The following SLCO1C1 variants were observed in gnomAD, a reference collection of about 807,000 sequenced individuals.
SLCO1C1 encodes solute carrier organic anion transporter family member 1C1.
SLCO1C1 carries 70 observed loss-of-function variants against 76.4 expected under a neutral mutation model. The ratio of observed to expected loss-of-function variants is 0.92; its 90% CI spans 0.76 to 1.12. The LOEUF (loss-of-function observed/expected upper bound fraction) is 1.12, where lower values mean the gene tolerates loss of function less well. Ranked by LOEUF, SLCO1C1 falls within the 50% of genes most tolerant of loss-of-function variation. The probability of loss-of-function intolerance (pLI) is 0.00; values close to 1 mark genes in which losing one functional copy is unlikely to be tolerated. For synonymous variants in SLCO1C1, 306 were observed against 286.1 expected (o/e 1.07, Z -0.70); for missense variants, 912 against 823.8 (o/e 1.11, Z -1.31).
In SLCO1C1 at chr12:20,722,038, A is replaced by T. The variant is rs1219135952; in HGVS notation, c.1010A>T (p.Glu337Val). ...CAGGGAGAAAATGCAAAAATAATGG[A>T]AATGGCAAGAGGTAAGTCAAATTCT... ...TPQGENAKIMEMARDFLPSLK... is the reference protein window; with the variant it reads ...TPQGENAKIMVMARDFLPSLK... Residue 337 changes from glutamate to valine, a missense_variant, in exon 8 of 15, where the codon GAA becomes GTA. Coordinates refer to ENST00000266509, the MANE Select transcript of SLCO1C1 (RefSeq NM_017435.5). The T allele has an allele frequency of 1.2e-6, 2 of 1,613,296 alleles. No homozygotes were observed. Among genetic ancestry groups the T allele is most frequent in the Non-Finnish European group, 1.7e-6 (2 of 1,179,754 alleles).
At chr12:20,724,409 G>GTA (rs765603825) in intron 9 of SLCO1C1, among the ~76,000 whole-genome samples, 12 of 65,512 alleles carry the variant, frequency 1.8e-4, no homozygotes, top group African/African-American at 6.3e-4. Flanking sequence ...GTGTGTGTGT[G>GTA]TGTATATATA....
intron 9 of SLCO1C1, among the ~76,000 whole-genome samples, chr12:20,729,397 A>G (rs371450852): frequency 6.6e-6 from 1 of 152,184 alleles, no homozygotes; most frequent in South Asian, 2.1e-4. Context: ...AGCACATTTT[A>G]TTGGAAACCA....
At chr12:20,703,498 C>T (rs1220600421) in intron 3 of SLCO1C1, among the ~76,000 whole-genome samples, 1 of 151,776 alleles carries the variant, frequency 6.6e-6, no homozygotes, top group African/African-American at 2.4e-5. Flanking sequence ...TTGTGTTTGA[C>T]CTTGATGCAA....
chr12:20,705,968 A>G lies in SLCO1C1; in HGVS notation c.291A>G (p.Thr97=), dbSNP rs1946752799. ...TCAAAGGGAATCTCTTAGTTATAAC[A>G]TTTGTTAGCTACTTTGGAGCCAAAC... ...SFEIGNLLVI[T]FVSYFGAKLH... Residue 97 remains threonine (T), a synonymous_variant, in exon 4 of 15, where the codon ACA becomes ACG. Coordinates refer to ENST00000266509, the MANE Select transcript of SLCO1C1 (RefSeq NM_017435.5). The G allele has an allele frequency of 6.2e-7, 1 of 1,613,266 alleles. No individual in the cohort carries two copies.
At chr12:20,711,558 CTT>C in intron 5 of SLCO1C1, 48 bp downstream of exon 5, 1 of 1,588,796 alleles carries the variant, frequency 6.3e-7, no homozygotes, top group Non-Finnish European at 8.6e-7. Flanking sequence ...AAAAAAAAGA[CTT>C]TATATGTGCT....
At chr12:20,724,984 T>G (rs1947893214) in intron 9 of SLCO1C1, among the ~76,000 whole-genome samples, 2 of 141,966 alleles carry the variant, frequency 1.4e-5, no homozygotes, top group African/African-American at 5.2e-5. Context: ...TATGATAGTA[T>G]AAATAATTAC....
intron 12 of SLCO1C1, 91 bp downstream of exon 12, chr12:20,740,459 C>G: frequency 1.7e-6 from 2 of 1,182,038 alleles, no homozygotes; most frequent in South Asian, 2.9e-5. Context: ...GTCTATGATT[C>G]CTCTTAGTTT....
At chr12:20,732,618 T>C (rs1948339311) in intron 9 of SLCO1C1, among the ~76,000 whole-genome samples, 1 of 152,190 alleles carries the variant, frequency 6.6e-6, no homozygotes, top group Non-Finnish European at 1.5e-5. Flanking sequence ...AATTGCTACC[T>C]AATTGTACTT....
chr12:20,719,735 T>A (rs1947559764), intron 7 of SLCO1C1, among the ~76,000 whole-genome samples: 1 of 152,188 alleles, frequency 6.6e-6, no homozygotes, highest in African/African-American at 2.4e-5. Context: ...AGTTTGAAGC[T>A]GGCGCAAACA....
chr12:20,708,353 A>G (rs1007174954), intron 4 of SLCO1C1, among the ~76,000 whole-genome samples: 2 of 152,148 alleles, frequency 1.3e-5, no homozygotes, highest in Non-Finnish European at 2.9e-5. Flanking sequence ...GCAGTAAAGA[A>G]AGAGTAGTGA....
At chr12:20,716,588 A>G (rs1288465596) in intron 6 of SLCO1C1, among the ~76,000 whole-genome samples, 1 of 152,210 alleles carries the variant, frequency 6.6e-6, no homozygotes, top group African/African-American at 2.4e-5. Context: ...CTGAATGGTC[A>G]AGAGGGTTCC....
Position 20,752,708 on chromosome 12 carries a change from G to T in SLCO1C1, c.*180G>T. 1 of 407,582 alleles carries T rather than the reference G, an allele frequency of 2.5e-6. No individual in the cohort carries two copies. The highest frequency in any genetic ancestry group is 4.3e-6 in the Non-Finnish European group (1 of 232,904). 25.2% of individuals were successfully genotyped at this position (407,582 alleles called of 1,614,324 possible). ...TATACTGAAACATATAATGGAAGAT[G>T]CAGATGATAAAACTAATTTTGAACT... On this transcript the variant is annotated 3_prime_UTR_variant, in exon 15 of 15. Coordinates refer to ENST00000266509, the MANE Select transcript of SLCO1C1 (RefSeq NM_017435.5).
At chr12:20,725,527 T>C (rs1385615374) in intron 9 of SLCO1C1, among the ~76,000 whole-genome samples, 1 of 147,666 alleles carries the variant, frequency 6.8e-6, no homozygotes, top group Non-Finnish European at 1.5e-5. Context: ...ACATTCCACA[T>C]GTACATTGGT....
chr12:20,740,661 TGATAATAATAATTAGCATAGGTAA>T (rs1481681392), intron 12 of SLCO1C1, among the ~76,000 whole-genome samples: 1 of 151,094 alleles, frequency 6.6e-6, no homozygotes, highest in Non-Finnish European at 1.5e-5. Flanking sequence ...CTAACGCTGG[TGATAATAATAATTAGCATAGGTAA>T]CATGCATTTT....
intron 11 of SLCO1C1, among the ~76,000 whole-genome samples, chr12:20,738,848 ACTTG>A (rs1301020896): frequency 1.3e-5 from 2 of 152,158 alleles, no homozygotes; most frequent in Non-Finnish European, 2.9e-5. Context: ...GATACAAAGG[ACTTG>A]CTTAACTCAT....
At chr12:20,731,351 G>T (rs1948253873) in intron 9 of SLCO1C1, among the ~76,000 whole-genome samples, 1 of 151,916 alleles carries the variant, frequency 6.6e-6, no homozygotes, top group African/African-American at 2.4e-5. Flanking sequence ...TTAAGGTTCT[G>T]TGATGCTTTG....
chr12:20,715,083 A>G, intron 5 of SLCO1C1, 56 bp from the exon 6 acceptor site: 1 of 1,602,076 alleles, frequency 6.2e-7, no homozygotes, highest in Non-Finnish European at 8.5e-7. Flanking sequence ...TGCAGAATAA[A>G]TACTTAACTT....
chr12:20,711,587 T>G, intron 5 of SLCO1C1, 77 bp downstream of exon 5: 1 of 1,490,378 alleles, frequency 6.7e-7, no homozygotes, highest in Non-Finnish European at 9.0e-7. Flanking sequence ...TGGACAAAAG[T>G]GTCTATGATT....
intron 11 of SLCO1C1, among the ~76,000 whole-genome samples, chr12:20,738,019 A>T (rs953116227): frequency 6.6e-6 from 1 of 152,046 alleles, no homozygotes; most frequent in Non-Finnish European, 1.5e-5. Context: ...GCAGATGACC[A>T]TCTTCACCTT....
Sources: allele counts gnomAD v4.1 joint callset (sites outside exome capture counted in the v4.1 genomes callset), GRCh38; gene constraint gnomAD v4.1.1; transcripts MANE v1.5; gene names NCBI Gene and HGNC (gene_info 2026-07-23, HGNC 2026-07-21).